The following NPIPA7 variants were observed in gnomAD, a reference collection of about 807,000 sequenced individuals.
The protein encoded by NPIPA7 is nuclear pore complex-interacting protein family member A7.
intron 2 of NPIPA7, among the ~76,000 whole-genome samples, chr16:16,386,139 C>A (rs2050120066): frequency 1.1e-5 from 1 of 93,280 alleles, no homozygotes; most frequent in African/African-American, 4.4e-5. Context: ...ATATGGAAAT[C>A]TTGGTGGGAA....
At chr16:16,386,477 G>A (rs1167103248) in intron 2 of NPIPA7, among the ~76,000 whole-genome samples, 3 of 64,724 alleles carry the variant, frequency 4.6e-5, no homozygotes, top group Non-Finnish European at 5.9e-5. Context: ...TTGAGACAGA[G>A]TCTCACTCTG....
chr16:16,386,826 C>G (rs1369796350), intron 2 of NPIPA7, among the ~76,000 whole-genome samples: 1 of 127,562 alleles, frequency 7.8e-6, no homozygotes, highest in Non-Finnish European at 1.7e-5. Context: ...CTCAGCTCAC[C>G]ACAACCTTTT....
chr16:16,386,745 G>A (rs1160866796), intron 2 of NPIPA7, among the ~76,000 whole-genome samples: 1 of 134,120 alleles, frequency 7.5e-6, no homozygotes, highest in Non-Finnish European at 1.6e-5. Flanking sequence ...ACAGCACCTG[G>A]CCTATTTTTT....
chr16:16,388,071 C>A (rs1253714126), intron 4 of NPIPA7, among the ~76,000 whole-genome samples: 2 of 38,508 alleles, frequency 5.2e-5, no homozygotes, highest in Non-Finnish European at 8.8e-5. Flanking sequence ...TTTTTTTTTC[C>A]TGAGATGGGG....
At chr16:16,386,199 G>A (rs1283264549) in intron 2 of NPIPA7, among the ~76,000 whole-genome samples, 2 of 106,264 alleles carry the variant, frequency 1.9e-5, no homozygotes, top group Non-Finnish European at 3.9e-5. Context: ...CAGCCTCAAC[G>A]AAGCTGATGT....
At chr16:16,386,289 T>A (rs974772675) in intron 2 of NPIPA7, among the ~76,000 whole-genome samples, 1 of 137,714 alleles carries the variant, frequency 7.3e-6, no homozygotes, top group African/African-American at 2.8e-5. Flanking sequence ...GAGCAGGGGG[T>A]GAAATGTTAC....
At chr16:16,387,116 C>G (rs2050167676) in intron 2 of NPIPA7, among the ~76,000 whole-genome samples, 1 of 126,912 alleles carries the variant, frequency 7.9e-6, no homozygotes, top group Non-Finnish European at 1.7e-5. Context: ...CATTCTGTCG[C>G]TCAGGCTGGA....
At chr16:16,386,599 G>A (rs1296623195) in intron 2 of NPIPA7, among the ~76,000 whole-genome samples, 1 of 106,694 alleles carries the variant, frequency 9.4e-6, no homozygotes. Context: ...ACAGGCGTGG[G>A]CCACCATGCT....
At chr16:16,386,429 G>A (rs1337517014) in intron 2 of NPIPA7, among the ~76,000 whole-genome samples, 1 of 124,074 alleles carries the variant, frequency 8.1e-6, no homozygotes, top group Non-Finnish European at 1.7e-5. Flanking sequence ...GTTCAGTTGT[G>A]TGAAGTATAT....
chr16:16,386,729 T>TAA (rs2050146175), intron 2 of NPIPA7, among the ~76,000 whole-genome samples: 1 of 134,004 alleles, frequency 7.5e-6, no homozygotes, highest in Non-Finnish European at 1.7e-5. Flanking sequence ...ATTACAGGCG[T>TAA]GAGCTACAGC....
chr16:16,386,622 G>A (rs950204954), intron 2 of NPIPA7, among the ~76,000 whole-genome samples: 3 of 106,436 alleles, frequency 2.8e-5, no homozygotes, highest in African/African-American at 1.0e-4. Context: ...GCTAATTTTT[G>A]TATTTTTAGT....
At chr16:16,386,751 T>A (rs1334345262) in intron 2 of NPIPA7, among the ~76,000 whole-genome samples, 3 of 127,564 alleles carry the variant, frequency 2.4e-5, no homozygotes, top group African/African-American at 2.9e-5. Flanking sequence ...CCTGGCCTAT[T>A]TTTTTTTTTT....
chr16:16,382,242 AAAAC>A (rs2050106851), intron 1 of NPIPA7, among the ~76,000 whole-genome samples: 1 of 44,418 alleles, frequency 2.3e-5, no homozygotes, highest in Non-Finnish European at 3.6e-5. Context: ...ATCAATTTAA[AAAAC>A]AAGTAAATAA....
chr16:16,386,995 T>A (rs2050159670), intron 2 of NPIPA7, among the ~76,000 whole-genome samples: 1 of 144,960 alleles, frequency 6.9e-6, no homozygotes, highest in African/African-American at 2.5e-5. Context: ...GTGATCCGCC[T>A]GCCTCGGCCT....
rs1319793013 is a variant in NPIPA7, at chr16:16,388,008, G to A, written c.437+202G>A. Among the ~76,000 whole-genome samples the A allele has an allele frequency of 2.2e-5, 2 of 91,598 alleles. 1 individual carries two copies. The highest frequency in any genetic ancestry group is 3.9e-5 in the Non-Finnish European group (2 of 50,900). 60.1% of individuals were successfully genotyped at this position (91,598 alleles called of 152,430 possible). On this transcript the variant is annotated intron_variant, in intron 4 of 7. Transcript: ENST00000530217. ...CATTCTTGTTTGTCATTTTTTCAGGGGAAGAGGAGTTGCTAGTACTGCATT... is the reference window on the plus strand; with the variant it reads ...CATTCTTGTTTGTCATTTTTTCAGGAGAAGAGGAGTTGCTAGTACTGCATT...
At chr16:16,386,780 A>G in intron 2 of NPIPA7, among the ~76,000 whole-genome samples, 1 of 115,638 alleles carries the variant, frequency 8.6e-6, no homozygotes. Flanking sequence ...ACAGAGTTTG[A>G]ATTTTGTTGC....
At chr16:16,386,195 C>T (rs1375320607) in intron 2 of NPIPA7, among the ~76,000 whole-genome samples, 3 of 102,574 alleles carry the variant, frequency 2.9e-5, no homozygotes, top group African/African-American at 1.2e-4. Context: ...AAACCAGCCT[C>T]AACGAAGCTG....
At chr16:16,388,126 A>G (rs1454183452) in intron 4 of NPIPA7, among the ~76,000 whole-genome samples, 1 of 36,734 alleles carries the variant, frequency 2.7e-5, no homozygotes, top group Non-Finnish European at 4.7e-5. Context: ...CACAATCTCA[A>G]CTCACTGCCT....
intron 2 of NPIPA7, among the ~76,000 whole-genome samples, chr16:16,386,538 C>T (rs1397964289): frequency 2.1e-5 from 2 of 96,788 alleles, no homozygotes; most frequent in African/African-American, 7.6e-5. Context: ...CACCCTCTGC[C>T]TCCTGGGTTC....
Sources: gnomAD v4.1 joint callset for allele counts (sites outside exome capture counted in the v4.1 genomes callset) on GRCh38, gnomAD v4.1.1 for gene constraint, MANE v1.5 for transcripts, NCBI Gene and HGNC (gene_info 2026-07-23, HGNC 2026-07-21) for gene names.